The following UBE2Q1 variants were observed in gnomAD, a reference collection of about 807,000 sequenced individuals.
UBE2Q1 encodes the protein ubiquitin-conjugating enzyme E2 Q1.
In UBE2Q1, 6 loss-of-function variants were observed where a neutral mutation model predicts 60.1. That is an observed-to-expected ratio of 0.10 (90% CI 0.05 to 0.20). The LOEUF is 0.20. Ranked by LOEUF, UBE2Q1 falls within the 10% of genes least tolerant of loss-of-function variation. The probability of loss-of-function intolerance (pLI) is 1.00; values close to 1 mark genes in which losing one functional copy is unlikely to be tolerated. For synonymous variants in UBE2Q1, 226 were observed against 208.3 expected (o/e 1.09, Z -0.73); for missense variants, 262 against 525.8 (o/e 0.50, Z 4.91).
intron 11 of UBE2Q1, 77 bp from the exon 12 acceptor site, chr1:154,551,081 C>A: frequency 6.6e-7 from 1 of 1,522,834 alleles, no homozygotes; most frequent in South Asian, 1.1e-5. Context: ...AGGCTGTCAC[C>A]CAGAGACCCC....
chr1:154,557,626 G>A (rs1695915313), intron 1 of UBE2Q1, among the ~76,000 whole-genome samples: 1 of 152,204 alleles, frequency 6.6e-6, no homozygotes, highest in African/African-American at 2.4e-5. Flanking sequence ...GAGGCAAAAA[G>A]AGGAGAGTTA....
intron 1 of UBE2Q1, 98 bp from the exon 2 acceptor site, chr1:154,556,062 G>A: frequency 2.0e-6 from 2 of 988,866 alleles, no homozygotes; most frequent in Non-Finnish European, 3.1e-6. Flanking sequence ...TAGCCCCTTT[G>A]CTTCCCACCC....
chr1:154,555,613 GC>G, intron 2 of UBE2Q1, 81 bp from the exon 3 acceptor site: 1 of 1,316,354 alleles, frequency 7.6e-7, no homozygotes, highest in Non-Finnish European at 1.1e-6. Context: ...CTTAGTTTGG[GC>G]CCCACACCAA....
At position 154,558,614 on chromosome 1, in the gene UBE2Q1, TCC is replaced by T. The variant is rs1695937994; in HGVS notation, c.-63_-62del. 10 of 916,000 alleles carry T rather than the reference TCC, an allele frequency of 1.1e-5. No individual in the cohort carries two copies. Among genetic ancestry groups the T allele is most frequent in the Non-Finnish European group, 1.3e-5 (10 of 771,824 alleles). 56.7% of individuals were successfully genotyped at this position (916,000 alleles called of 1,614,324 possible). A position where few individuals can be genotyped will look rare whatever the true frequency, so the allele number is the denominator to read the frequency against. On this transcript the variant is annotated 5_prime_UTR_variant, in exon 1 of 13. Transcript: ENST00000292211. ...GGAGCCTCCGGCCTGCGCTCCGGGC[TCC>T]GCCGCCGCCGCCGCCGCCGCCGCCG...
Position 154,553,023 on chromosome 1 carries a change from G to A in UBE2Q1, c.729+9C>T. 1.9e-6 allele frequency: 3 copies of A among 1,613,822 alleles called. No homozygotes were observed. Among genetic ancestry groups the A allele is most frequent in the Non-Finnish European group, 1.7e-6 (2 of 1,179,956 alleles). On this transcript the variant is annotated intron_variant, in intron 5 of 12. Coordinates refer to ENST00000292211, the MANE Select transcript of UBE2Q1 (RefSeq NM_017582.7). The stretch of plus-strand genomic sequence containing the variant: ...CCCCTTCACCAGCCTCTCTCTAGAA[G>A]GCACGTACATTTAAGTAATCTTGCC...
chr1:154,551,205 A>G, intron 11 of UBE2Q1, 192 bp downstream of exon 11: 6 of 838,822 alleles, frequency 7.2e-6, no homozygotes, highest in South Asian at 5.1e-5. Context: ...AAACCTCCCA[A>G]AAGTCCTAGG....
chr1:154,554,759 T>C lies in UBE2Q1; in HGVS notation c.564A>G (p.Glu188=). Residue 188 remains glutamate (E), a synonymous_variant, in exon 4 of 13, where the codon GAA becomes GAG. Coordinates refer to ENST00000292211, the MANE Select transcript of UBE2Q1 (RefSeq NM_017582.7). ...EQCTQEDVSS[E]DEDEEMPEDT... is the part of the protein sequence containing the mutation. The stretch of plus-strand genomic sequence containing the variant: ...CCTCAGGCATCTCCTCATCTTCATC[T>C]TCTGAAGACACGTCTTCCTGTGTGC... 6.2e-7 allele frequency: 1 copy of C among 1,613,634 alleles called. No individual in the cohort carries two copies. Among genetic ancestry groups the C allele is most frequent in the Non-Finnish European group, 8.5e-7 (1 of 1,179,648 alleles).
Position 154,558,641 on chromosome 1 carries a change from GCC to G in UBE2Q1, c.-90_-89del. The G allele has an allele frequency of 1.0e-6, 1 of 993,066 alleles. No homozygotes were observed. Among genetic ancestry groups the G allele is most frequent in the South Asian group, 4.4e-5 (1 of 22,648 alleles). 61.5% of individuals were successfully genotyped at this position (993,066 alleles called of 1,614,324 possible). ...CGCCGCCGCCGCCGCCGCCGCCGCC[GCC>G]GCCGCGGTCCGCACTTCCTGATCCC... On this transcript the variant is annotated 5_prime_UTR_variant, in exon 1 of 13. Coordinates refer to ENST00000292211, the MANE Select transcript of UBE2Q1 (RefSeq NM_017582.7).
chr1:154,556,624 GCTA>G (rs1190599622), intron 1 of UBE2Q1, among the ~76,000 whole-genome samples: 1 of 152,196 alleles, frequency 6.6e-6, no homozygotes, highest in African/African-American at 2.4e-5. Context: ...AGAAGCCTAC[GCTA>G]CTGACATTCC....
intron 2 of UBE2Q1, 108 bp from the exon 3 acceptor site, chr1:154,555,640 G>T: frequency 9.2e-7 from 1 of 1,084,740 alleles, no homozygotes; most frequent in Non-Finnish European, 1.4e-6. Flanking sequence ...AGTTCTCTAA[G>T]CCTTATGGGC....
At chr1:154,555,570 C>T (rs370538485) in intron 2 of UBE2Q1, 38 bp from the exon 3 acceptor site, 3 of 1,578,570 alleles carry the variant, frequency 1.9e-6, no homozygotes, top group African/African-American at 2.7e-5. Flanking sequence ...AAATCCTTCC[C>T]CACTCCGATC....
intron 2 of UBE2Q1, among the ~76,000 whole-genome samples, 155 bp from the exon 3 acceptor site, chr1:154,555,687 T>A (rs552817155): frequency 6.6e-6 from 1 of 151,988 alleles, no homozygotes; most frequent in Non-Finnish European, 1.5e-5. Context: ...GATGGACCAA[T>A]CCCAGGGCCG....
intron 1 of UBE2Q1, 95 bp downstream of exon 1, chr1:154,558,132 G>A (rs376607858): frequency 1.1e-5 from 11 of 1,047,286 alleles, no homozygotes; most frequent in African/African-American, 3.3e-5. Flanking sequence ...AGGGGCTTCG[G>A]CCTCCCAGGT....
rs762787582 is a variant in UBE2Q1 at position 154,553,033 on chromosome 1, T to C, written c.728A>G (p.Asn243Ser). 6.2e-7 allele frequency: 1 copy of C among 1,613,942 alleles called. No homozygotes were observed. The highest frequency in any genetic ancestry group is 1.7e-5 in the Admixed American group (1 of 59,956). ...AGCCTCTCTCTAGAAGGCACGTACA[T>C]TTAAGTAATCTTGCCTCTGGTTCTT... ...IKKNQRQDYL[N>S]GAVSGSVQAT... Residue 243 changes from asparagine to serine, a missense_variant and splice_region_variant, in exon 5 of 13, where the codon AAT (asparagine) becomes AGT (serine). Asn to Ser is a conservative substitution (Grantham distance 46). Around this residue, in one of 5 missense-constraint regions of UBE2Q1, gnomAD observed 111 missense variants for 266.8 expected, o/e 0.42. Transcript: ENST00000292211.
intron 1 of UBE2Q1, among the ~76,000 whole-genome samples, chr1:154,557,972 T>C (rs1695921475): frequency 6.6e-6 from 1 of 151,792 alleles, no homozygotes; most frequent in African/African-American, 2.4e-5. Context: ...AACCTTGGGA[T>C]GTGGGTGGGT....
chr1:154,556,288 T>C (rs1695887102), intron 1 of UBE2Q1, among the ~76,000 whole-genome samples: 1 of 152,198 alleles, frequency 6.6e-6, no homozygotes, highest in South Asian at 2.1e-4. Context: ...TCTCCTGCAC[T>C]GCCTATACAA....
At chr1:154,554,855 T>C in intron 3 of UBE2Q1, 70 bp from the exon 4 acceptor site, 1 of 1,534,436 alleles carries the variant, frequency 6.5e-7, no homozygotes, top group Non-Finnish European at 8.9e-7. Context: ...TCCAACCTAC[T>C]CCCCTGAGCC....
intron 1 of UBE2Q1, among the ~76,000 whole-genome samples, chr1:154,557,982 T>G (rs1393428140): frequency 6.6e-6 from 1 of 151,760 alleles, no homozygotes; most frequent in Non-Finnish European, 1.5e-5. Flanking sequence ...TGTGGGTGGG[T>G]TCGTGGAAAC....
At chr1:154,556,611 G>GA (rs1351934471) in intron 1 of UBE2Q1, among the ~76,000 whole-genome samples, 1 of 152,228 alleles carries the variant, frequency 6.6e-6, no homozygotes, top group African/African-American at 2.4e-5. Flanking sequence ...CAGGCTGGGA[G>GA]AAAGAAGCCT....
Sources: gnomAD v4.1 joint callset for allele counts (sites outside exome capture counted in the v4.1 genomes callset) on GRCh38, gnomAD v4.1.1 for gene constraint, gnomAD v4.1.1 regional missense constraint, MANE v1.5 for transcripts, NCBI Gene and HGNC (gene_info 2026-07-23, HGNC 2026-07-21) for gene names.